EPAS1: variants seen among roughly 807,000 people sequenced by gnomAD.
The protein encoded by EPAS1 is endothelial PAS domain-containing protein 1.
In EPAS1, 23 loss-of-function variants were observed where a neutral mutation model predicts 87.9. The observed-to-expected ratio is 0.26, with a 90% confidence interval of 0.19 to 0.37. The LOEUF (loss-of-function observed/expected upper bound fraction) is 0.37. Among genes scored for constraint, EPAS1 ranks in the 10% least tolerant of loss-of-function variants. The pLI, the probability that EPAS1 is intolerant of heterozygous loss-of-function variation, is 1.00. For missense variants in EPAS1, 1,138 were observed against 1,120.7 expected (o/e 1.02, Z -0.22); for synonymous variants, 508 against 444.3 (o/e 1.14, Z -1.80).
chr2:46,321,178 C>G (rs1558586423), intron 1 of EPAS1, among the ~76,000 whole-genome samples: 1 of 152,204 alleles, frequency 6.6e-6, no homozygotes, highest in Non-Finnish European at 1.5e-5. Context: ...ATAATGTTTT[C>G]AAGGTTCATC....
At chr2:46,311,806 G>C (rs1197923371) in intron 1 of EPAS1, among the ~76,000 whole-genome samples, 2 of 152,218 alleles carry the variant, frequency 1.3e-5, no homozygotes. Flanking sequence ...ACCTGAGGGT[G>C]GTGTGGTCAC....
chr2:46,369,411 C>CA (rs1684575906), intron 6 of EPAS1, among the ~76,000 whole-genome samples: 1 of 152,206 alleles, frequency 6.6e-6, no homozygotes, highest in African/African-American at 2.4e-5. Flanking sequence ...CCCCAGTTTT[C>CA]ATTCTTGCTC....
chr2:46,364,634 A>G (rs1367041258), intron 6 of EPAS1, among the ~76,000 whole-genome samples: 1 of 152,242 alleles, frequency 6.6e-6, no homozygotes, highest in African/African-American at 2.4e-5. Context: ...AAATACTTTT[A>G]AAAGTAAATT....
chr2:46,342,570 C>T (rs1683933010), intron 1 of EPAS1, among the ~76,000 whole-genome samples: 1 of 152,178 alleles, frequency 6.6e-6, no homozygotes, highest in African/African-American at 2.4e-5. Context: ...GTCCTAATCA[C>T]TCTAAAAGTC....
rs567969922 is a variant in EPAS1, at chr2:46,312,196, C to T, written c.26+14259C>T. On this transcript the variant is annotated intron_variant, in intron 1 of 15. Coordinates refer to ENST00000263734, the MANE Select transcript of EPAS1 (RefSeq NM_001430.5). ...GTTTCTTGGCTTTTATCTTGCCAAACGGATTGTAAATGCTCCCGAGTCACC... is the reference window on the plus strand; with the variant it reads ...GTTTCTTGGCTTTTATCTTGCCAAATGGATTGTAAATGCTCCCGAGTCACC... Among the ~76,000 whole-genome samples the T allele has an allele frequency of 3.7e-4, 57 of 152,264 alleles. No individual in the cohort carries two copies. In the South Asian group the frequency reaches 8.9e-3, roughly 24 times the overall value.
Position 46,347,238 on chromosome 2 carries a change from C to G in EPAS1, c.217+175C>G. ...TTCATGTTAAACATCTCTCTTCCAGCAGTGACCTTTACCGTGAATCCAGCT... is the reference window on the plus strand; with the variant it reads ...TTCATGTTAAACATCTCTCTTCCAGGAGTGACCTTTACCGTGAATCCAGCT... On this transcript the variant is annotated intron_variant, in intron 2 of 15. Transcript: ENST00000263734. This position sits in a 1 kb window ranked among gnomAD's most constrained non-coding sequence, Gnocchi z 4.2. 4 of 736,342 alleles carry G rather than the reference C, an allele frequency of 5.4e-6. No individual in the cohort carries two copies. The highest frequency in any genetic ancestry group is 9.2e-6 in the Non-Finnish European group (4 of 432,644). 45.6% of individuals were successfully genotyped at this position (736,342 alleles called of 1,614,324 possible).
intron 1 of EPAS1, among the ~76,000 whole-genome samples, chr2:46,321,532 G>C (rs1683454236): frequency 6.6e-6 from 1 of 152,024 alleles, no homozygotes; most frequent in Non-Finnish European, 1.5e-5. Context: ...GCTAACACTT[G>C]TTATTTTCTG....
Position 46,327,899 on chromosome 2 carries a change from A to G in EPAS1, c.27-18974A>G, listed in dbSNP as rs551561898. On this transcript the variant is annotated intron_variant, in intron 1 of 15. Coordinates refer to ENST00000263734, the MANE Select transcript of EPAS1 (RefSeq NM_001430.5). ...CTGCCAAGTCTTTGGGAAGAGCTTA[A>G]TATTGCCTCATGCCTCCTGAGCCAG... Among the ~76,000 whole-genome samples the G allele has an allele frequency of 1.6e-4, 24 of 152,318 alleles. No homozygotes were observed. The South Asian group carries it at 2.1e-3, about 13-fold the overall frequency.
chr2:46,325,576 G>A (rs1001490302), intron 1 of EPAS1, among the ~76,000 whole-genome samples: 1 of 152,160 alleles, frequency 6.6e-6, no homozygotes, highest in Non-Finnish European at 1.5e-5. Flanking sequence ...TTGTATGGTA[G>A]CTAGTCAACC....
intron 1 of EPAS1, among the ~76,000 whole-genome samples, chr2:46,302,114 CTCTCTG>C (rs1451404449): frequency 1.2e-4 from 6 of 49,272 alleles, no homozygotes; most frequent in African/African-American, 1.6e-4. Context: ...GTCCCTCTTT[CTCTCTG>C]TGTGTGTGTG....
At chr2:46,383,845 G>C (rs1422978181) in intron 15 of EPAS1, among the ~76,000 whole-genome samples, 1 of 152,214 alleles carries the variant, frequency 6.6e-6, no homozygotes, top group Non-Finnish European at 1.5e-5. Context: ...TCTGAGCTAG[G>C]AGGTGCAGGA....
intron 1 of EPAS1, among the ~76,000 whole-genome samples, chr2:46,299,003 G>A (rs1300167714): frequency 1.3e-5 from 2 of 152,260 alleles, no homozygotes; most frequent in Non-Finnish European, 2.9e-5. Flanking sequence ...GGAATCCAAC[G>A]CGCGGCCGGC....
chr2:46,308,825 G>A (rs1271995306), intron 1 of EPAS1, among the ~76,000 whole-genome samples: 3 of 152,184 alleles, frequency 2.0e-5, no homozygotes, highest in Non-Finnish European at 4.4e-5. Flanking sequence ...GAGGGCACTA[G>A]CTCTCAGTTC....
chr2:46,310,611 C>T (rs1280519038), intron 1 of EPAS1, among the ~76,000 whole-genome samples: 1 of 152,212 alleles, frequency 6.6e-6, no homozygotes, highest in Non-Finnish European at 1.5e-5. Context: ...CTGGGTAGAG[C>T]AGCTGGGGAT....
At position 46,382,425 on chromosome 2, in the gene EPAS1, A is replaced by C; in HGVS notation, c.2288A>C (p.Asp763Ala). Residue 763 changes from aspartate (D) to alanine (A), a missense_variant and splice_region_variant, in exon 15 of 16, where the codon GAT (aspartate) becomes GCT (alanine). Asp to Ala is a moderately radical substitution (Grantham distance 126). Transcript: ENST00000263734. The stretch of plus-strand genomic sequence containing the variant: ...TCACTCTCTGACTTTGGTCTTTCAG[A>C]TAAGTTCACCCAAAACCCCATGAGG... The part of the protein sequence containing the change: ...DKPLSANVPN[D>A]KFTQNPMRGL... 6.2e-7 allele frequency: 1 copy of C among 1,614,016 alleles called. No individual in the cohort carries two copies. Among genetic ancestry groups the C allele is most frequent in the Non-Finnish European group, 8.5e-7 (1 of 1,180,004 alleles).
In EPAS1 at chr2:46,317,382, T is replaced by C. The variant is rs137918698; in HGVS notation, c.26+19445T>C. On this transcript the variant is annotated intron_variant, in intron 1 of 15. Coordinates refer to ENST00000263734, the MANE Select transcript of EPAS1 (RefSeq NM_001430.5). ...CAGAATTACTCCTTGATCCATGGGCTTCAGAATGGATCTTGTGTTAGCAGG... is the reference window on the plus strand; with the variant it reads ...CAGAATTACTCCTTGATCCATGGGCCTCAGAATGGATCTTGTGTTAGCAGG... Among the ~76,000 whole-genome samples the C allele has an allele frequency of 2.3e-3, 344 of 152,328 alleles. 3 individuals are homozygous for C. Among genetic ancestry groups the C allele is most frequent in the African/African-American group, 8.0e-3 (334 of 41,574 alleles).
At chr2:46,342,740 TCGGAGCAATGA>T in intron 1 of EPAS1, among the ~76,000 whole-genome samples, 1 of 152,334 alleles carries the variant, frequency 6.6e-6, no homozygotes, top group Admixed American at 6.5e-5. Flanking sequence ...TAAGCCATGC[TCGGAGCAATGA>T]CCTAAAAGTT....
chr2:46,333,962 T>C (rs1683737719), intron 1 of EPAS1, among the ~76,000 whole-genome samples: 1 of 151,968 alleles, frequency 6.6e-6, no homozygotes, highest in African/African-American at 2.4e-5. Flanking sequence ...TGAAGTTTGT[T>C]TTTCATCCCA....
At chr2:46,364,780 C>T (rs1433336566) in intron 6 of EPAS1, among the ~76,000 whole-genome samples, 2 of 152,198 alleles carry the variant, frequency 1.3e-5, no homozygotes, top group Non-Finnish European at 2.9e-5. Flanking sequence ...TCATTTACGA[C>T]TCAAACATAG....
Sources: gnomAD v4.1 joint callset for allele counts (sites outside exome capture counted in the v4.1 genomes callset) on GRCh38, gnomAD v4.1.1 for gene constraint, Gnocchi (gnomAD v3.1) non-coding constraint, MANE v1.5 for transcripts, NCBI Gene and HGNC (gene_info 2026-07-23, HGNC 2026-07-21) for gene names.